ADGRL3: variants seen among roughly 807,000 people sequenced by gnomAD.
ADGRL3 encodes calcium-independent alpha-latrotoxin receptor 3.
ADGRL3 carries 62 observed loss-of-function variants against 153.5 expected under a neutral mutation model. The observed-to-expected ratio is 0.40, with a 90% CI of 0.33 to 0.50. The LOEUF (loss-of-function observed/expected upper bound fraction) is 0.50. Among genes scored for constraint, ADGRL3 ranks in the 20% least tolerant of loss-of-function variants. The pLI is 0.47. For missense variants in ADGRL3, 1,641 were observed against 1,859.4 expected, an observed-to-expected ratio of 0.88 and a Z score of 2.16; for synonymous variants, 710 against 672.5, an observed-to-expected ratio of 1.06 and a Z score of -0.86.
At chr4:61,935,894 G>A (rs2098836329) in intron 14 of ADGRL3, 29 bp from the exon 15 acceptor site, 2 of 1,567,058 alleles carry the variant, frequency 1.3e-6, no homozygotes, top group Middle Eastern at 3.3e-4. Context: ...GTTTCTCAAT[G>A]AGCACTGATA....
chr4:61,853,249 T>A (rs1466609713), intron 9 of ADGRL3, among the ~76,000 whole-genome samples: 1 of 152,190 alleles, frequency 6.6e-6, no homozygotes, highest in Non-Finnish European at 1.5e-5. Context: ...CTCAGCTGTG[T>A]TTGAAGGGGC....
rs191475751 is a variant in ADGRL3, at chr4:61,334,076, T to C, written c.-239-49048T>C. 1.1e-3 allele frequency among the ~76,000 whole-genome samples: 169 copies of C among 151,906 alleles called. 1 individual carries two copies. The highest frequency in any genetic ancestry group is 2.0e-3 in the Non-Finnish European group (135 of 67,932). ...GAATTACAGGTGTGCACCACTACGC[T>C]TGGGTAATTTTTGTATTTTTAGTAG... On this transcript the variant is annotated intron_variant, in intron 1 of 26. Transcript: ENST00000683033.
intron 2 of ADGRL3, among the ~76,000 whole-genome samples, chr4:61,435,163 T>A (rs2097428932): frequency 6.6e-6 from 1 of 152,096 alleles, no homozygotes; most frequent in African/African-American, 2.4e-5. Context: ...ATAATTATGA[T>A]ATTTTGGTAA....
intron 4 of ADGRL3, among the ~76,000 whole-genome samples, chr4:61,532,773 G>A (rs335300): frequency 0.81 from 122,845 of 151,200 alleles, 50,389 homozygotes; most frequent in East Asian, 0.92. Context: ...AAAGGTCTCA[G>A]CACACATGCT....
chr4:61,352,254 A>C (rs1198775326), intron 1 of ADGRL3, among the ~76,000 whole-genome samples: 1 of 152,224 alleles, frequency 6.6e-6, no homozygotes, highest in African/African-American at 2.4e-5. Context: ...TACAGTCTCC[A>C]CCAGCCAAAA....
At chr4:61,757,833 T>C (rs1462262717) in intron 8 of ADGRL3, among the ~76,000 whole-genome samples, 1 of 152,210 alleles carries the variant, frequency 6.6e-6, no homozygotes, top group East Asian at 1.9e-4. Context: ...TTTTTTCTCG[T>C]TGATTTCAAA....
intron 22 of ADGRL3, 26 bp from the exon 23 acceptor site, chr4:62,031,415 AC>A (rs1256006573): frequency 1.3e-6 from 2 of 1,540,670 alleles, no homozygotes; most frequent in South Asian, 1.2e-5. Flanking sequence ...TTATTTAATA[AC>A]CCTTAATTTT....
intron 19 of ADGRL3, among the ~76,000 whole-genome samples, chr4:61,987,205 G>A (rs2099088929): frequency 6.7e-6 from 1 of 149,122 alleles, no homozygotes; most frequent in African/African-American, 2.5e-5. Flanking sequence ...CACTCTTGTT[G>A]CCCAGGCTGG....
At chr4:61,937,126 G>A (rs918810735) in intron 15 of ADGRL3, among the ~76,000 whole-genome samples, 2 of 152,008 alleles carry the variant, frequency 1.3e-5, no homozygotes, top group African/African-American at 2.4e-5. Context: ...TTCCTAAATC[G>A]TTTCCCTGCC....
intron 1 of ADGRL3, among the ~76,000 whole-genome samples, chr4:61,291,621 T>C (rs1578145063): frequency 2.2e-5 from 1 of 45,910 alleles, no homozygotes; most frequent in South Asian, 7.3e-4. Context: ...CATATATATA[T>C]ATATAAAATA....
intron 2 of ADGRL3, among the ~76,000 whole-genome samples, chr4:61,443,101 C>T (rs1019662147): frequency 1.4e-4 from 22 of 152,146 alleles, no homozygotes; most frequent in African/African-American, 4.8e-4. Context: ...CCCTTTCTTG[C>T]CAAATTCAGT....
intron 1 of ADGRL3, among the ~76,000 whole-genome samples, chr4:61,345,022 T>G (rs1266789508): frequency 6.6e-6 from 1 of 151,638 alleles, no homozygotes; most frequent in Non-Finnish European, 1.5e-5. Context: ...TGTCTCGAAC[T>G]CCTGACCTCA....
intron 17 of ADGRL3, 79 bp from the exon 18 acceptor site, chr4:61,979,484 T>C: frequency 3.6e-6 from 4 of 1,101,324 alleles, no homozygotes; most frequent in Non-Finnish European, 5.6e-6. Context: ...CTATCATGCT[T>C]TGTGCATCCA....
At chr4:61,578,708 T>G (rs2098907432) in intron 4 of ADGRL3, among the ~76,000 whole-genome samples, 1 of 152,104 alleles carries the variant, frequency 6.6e-6, no homozygotes, top group African/African-American at 2.4e-5. Flanking sequence ...CCGATATCCA[T>G]ACATATTGTT....
rs575124560 is a variant in ADGRL3, at chr4:61,448,802, G to C, written c.-173-48319G>C. Among the ~76,000 whole-genome samples the C allele has an allele frequency of 0.013, 1,421 of 106,728 alleles. 62 individuals carry two copies. In the East Asian group the frequency reaches 0.16, roughly 12 times the overall value. The allele number at this position is 106,728 out of a possible 152,430, so 70.0% of individuals were successfully genotyped here. On this transcript the variant is annotated intron_variant, in intron 2 of 26. Transcript: ENST00000683033. Reference sequence around the variant, plus strand: ...AGGGAAGGAGGGAGGGTAGGAGGGAGGAAGGGAGGGAAGGAAGGAAGGAAG... The same window carrying C: ...AGGGAAGGAGGGAGGGTAGGAGGGACGAAGGGAGGGAAGGAAGGAAGGAAG...
At chr4:61,739,406 T>G (rs765211463) in intron 8 of ADGRL3, among the ~76,000 whole-genome samples, 2 of 152,086 alleles carry the variant, frequency 1.3e-5, no homozygotes, top group Non-Finnish European at 2.9e-5. Context: ...TTTCCTGGGT[T>G]CAAACGATTC....
chr4:61,657,934 G>C (rs1418765625), intron 5 of ADGRL3, among the ~76,000 whole-genome samples: 1 of 152,108 alleles, frequency 6.6e-6, no homozygotes, highest in African/African-American at 2.4e-5. Context: ...TTCTAGCATG[G>C]TATTGCAGAG....
rs576659687 is a variant in ADGRL3 at position 62,029,640 on chromosome 4, C to G, written c.3422+759C>G. ...CAGTTTGTTCTTCTGGTGAAGAGTC[C>G]TTTGTTTTCATTTTTCTCCAGTGCC... On this transcript the variant is annotated intron_variant, in intron 22 of 26. Coordinates refer to ENST00000683033, the MANE Select transcript of ADGRL3 (RefSeq NM_001387552.1). Among the ~76,000 whole-genome samples, 12 of 150,506 alleles carry G rather than the reference C, an allele frequency of 8.0e-5. No homozygotes were observed. In the East Asian group the frequency reaches 2.3e-3, roughly 29 times the overall value.
At chr4:61,456,410 T>TATAGATATATCTATATCTATAG (rs1553934100) in intron 2 of ADGRL3, among the ~76,000 whole-genome samples, 6 of 55,442 alleles carry the variant, frequency 1.1e-4, no homozygotes, top group Admixed American at 8.1e-4. Context: ...TATCTATATA[T>TATAGATATATCTATATCTATAG]ATATAGATAT....
Sources: allele counts gnomAD v4.1 joint callset (sites outside exome capture counted in the v4.1 genomes callset), GRCh38; gene constraint gnomAD v4.1.1; transcripts MANE v1.5; gene names NCBI Gene and HGNC (gene_info 2026-07-23, HGNC 2026-07-21).